The following IMMP2L variants were observed in gnomAD, a reference collection of about 807,000 sequenced individuals.
IMMP2L encodes the protein inner mitochondrial membrane peptidase subunit 2.
A neutral mutation model predicts 19.3 loss-of-function variants in IMMP2L; 18 were observed. The observed-to-expected ratio is 0.93, with a 90% CI of 0.64 to 1.38. The LOEUF (loss-of-function observed/expected upper bound fraction) is 1.38. IMMP2L is among the 40% of genes most tolerant of loss of function. IMMP2L has a pLI of 0.00. For missense variants in IMMP2L, 233 were observed against 218.2 expected, an observed-to-expected ratio of 1.07 and a Z score of -0.43; for synonymous variants, 76 against 73.0, an observed-to-expected ratio of 1.04 and a Z score of -0.21.
intron 3 of IMMP2L, among the ~76,000 whole-genome samples, chr7:111,077,261 G>GT (rs566078478): frequency 7.6e-4 from 115 of 152,240 alleles, no homozygotes; most frequent in African/African-American, 2.6e-3. Context: ...TGTTTGGTTG[G>GT]TTTTTTTGTT....
intron 5 of IMMP2L, among the ~76,000 whole-genome samples, chr7:110,745,126 T>C (rs187824693): frequency 2.0e-3 from 303 of 152,234 alleles, no homozygotes; most frequent in South Asian, 6.2e-3. Flanking sequence ...AATAGCTGAA[T>C]TGATCAAGAG....
At chr7:110,999,391 T>C (rs1370143077) in intron 3 of IMMP2L, among the ~76,000 whole-genome samples, 2 of 150,998 alleles carry the variant, frequency 1.3e-5, no homozygotes, top group African/African-American at 4.8e-5. Flanking sequence ...TTATAGCTTT[T>C]CTCCCCCATA....
intron 3 of IMMP2L, among the ~76,000 whole-genome samples, chr7:111,000,858 A>C (rs971742844): frequency 1.3e-5 from 2 of 152,048 alleles, no homozygotes; most frequent in Admixed American, 6.6e-5. Flanking sequence ...AAAAAAAAAA[A>C]AAACAGATGG....
chr7:111,155,173 T>C (rs996606054), intron 3 of IMMP2L, among the ~76,000 whole-genome samples: 2 of 152,164 alleles, frequency 1.3e-5, no homozygotes, highest in African/African-American at 4.8e-5. Context: ...GTTTCTGAAT[T>C]TGTTGTAAGA....
intron 3 of IMMP2L, among the ~76,000 whole-genome samples, chr7:111,192,745 G>A (rs1178815590): frequency 6.6e-6 from 1 of 152,058 alleles, no homozygotes; most frequent in Non-Finnish European, 1.5e-5. Flanking sequence ...GATTGCCCAA[G>A]AGAGTGCAAA....
At chr7:111,049,779 C>T (rs1248366676) in intron 3 of IMMP2L, among the ~76,000 whole-genome samples, 2 of 152,150 alleles carry the variant, frequency 1.3e-5, no homozygotes, top group African/African-American at 2.4e-5. Flanking sequence ...TTGCAAAGGA[C>T]GCAGTCAAAA....
At chr7:111,102,723 G>A (rs756757303) in intron 3 of IMMP2L, among the ~76,000 whole-genome samples, 54 of 151,516 alleles carry the variant, frequency 3.6e-4, no homozygotes, top group Admixed American at 9.2e-4. Flanking sequence ...CAGCTTCTTC[G>A]TGCTATTCTA....
At chr7:111,506,456 G>C (rs899246713) in intron 2 of IMMP2L, among the ~76,000 whole-genome samples, 4 of 152,050 alleles carry the variant, frequency 2.6e-5, no homozygotes, top group African/African-American at 9.7e-5. Flanking sequence ...GCAGTGCAGT[G>C]GTGCAATCTC....
At chr7:111,173,725 A>T (rs149478545) in intron 3 of IMMP2L, among the ~76,000 whole-genome samples, 2,710 of 151,730 alleles carry the variant, frequency 0.018, 33 homozygotes, top group Middle Eastern at 0.027. Context: ...GGTGTTTCTT[A>T]TATTATCAGA....
intron 3 of IMMP2L, among the ~76,000 whole-genome samples, chr7:111,227,151 G>A (rs185284883): frequency 6.6e-6 from 1 of 152,118 alleles, no homozygotes; most frequent in African/African-American, 2.4e-5. Context: ...TCTGGCATTG[G>A]TAGCACAGAA....
rs1584537505 is a variant in IMMP2L at position 110,699,158 on chromosome 7, C to T, written c.409-35437G>A. ...TAACTCCTCTACCTATTCTTTCTTC[C>T]CTGCCTCAGATTTCCCAAGCTTCTC... On this transcript the variant is annotated intron_variant, in intron 5 of 5. Transcript: ENST00000405709. 2.0e-5 allele frequency among the ~76,000 whole-genome samples: 3 copies of T among 152,232 alleles called. No individual in the cohort carries two copies. In the South Asian group the frequency reaches 6.2e-4, roughly 32 times the overall value.
intron 3 of IMMP2L, among the ~76,000 whole-genome samples, chr7:111,482,242 A>G (rs1309779070): frequency 6.6e-6 from 1 of 152,154 alleles, no homozygotes; most frequent in Non-Finnish European, 1.5e-5. Flanking sequence ...TTTACTTGCC[A>G]TGCACTTGCT....
At chr7:111,489,332 C>G (rs902006312) in intron 2 of IMMP2L, among the ~76,000 whole-genome samples, 1 of 152,008 alleles carries the variant, frequency 6.6e-6, no homozygotes, top group South Asian at 2.1e-4. Flanking sequence ...CGTGAGCCAC[C>G]GCGCCTGGCC....
chr7:111,353,030 T>C lies in IMMP2L; in HGVS notation c.239+134208A>G, dbSNP rs147375881. 4.4e-3 allele frequency among the ~76,000 whole-genome samples: 666 copies of C among 152,276 alleles called. 8 individuals are homozygous for C. The highest frequency in any genetic ancestry group is 0.015 in the African/African-American group (616 of 41,552). On this transcript the variant is annotated intron_variant, in intron 3 of 5. Transcript: ENST00000405709. ...GCTTTATCTACAGACTTCTCTCATA[T>C]AGTTAACCATCTCCATCTAAGTGAT...
At chr7:111,026,658 G>A (rs538129435) in intron 3 of IMMP2L, among the ~76,000 whole-genome samples, 1 of 152,168 alleles carries the variant, frequency 6.6e-6, no homozygotes, top group African/African-American at 2.4e-5. Flanking sequence ...AATTTAAGGT[G>A]TTTACAACAA....
intron 3 of IMMP2L, among the ~76,000 whole-genome samples, chr7:111,233,898 T>A (rs1271210236): frequency 1.3e-5 from 2 of 152,166 alleles, no homozygotes; most frequent in Middle Eastern, 3.4e-3. Flanking sequence ...TTTTTACACA[T>A]CAATTGTTTT....
At chr7:111,292,492 A>C (rs1304567407) in intron 3 of IMMP2L, among the ~76,000 whole-genome samples, 2 of 151,958 alleles carry the variant, frequency 1.3e-5, no homozygotes, top group African/African-American at 4.8e-5. Context: ...TAGTTCTTCC[A>C]ACTTGCCATG....
At chr7:111,112,207 G>A (rs753195385) in intron 3 of IMMP2L, among the ~76,000 whole-genome samples, 12 of 151,768 alleles carry the variant, frequency 7.9e-5, no homozygotes, top group Non-Finnish European at 7.4e-5. Flanking sequence ...AGGTATATCC[G>A]CCTGACTTCG....
chr7:111,410,014 T>A (rs1834258004), intron 3 of IMMP2L, among the ~76,000 whole-genome samples: 1 of 151,764 alleles, frequency 6.6e-6, no homozygotes, highest in African/African-American at 2.4e-5. Context: ...ATGGCTGGAA[T>A]TTGTGGGACA....
Sources: allele counts gnomAD v4.1 joint callset (sites outside exome capture counted in the v4.1 genomes callset), GRCh38; gene constraint gnomAD v4.1.1; transcripts MANE v1.5; gene names NCBI Gene and HGNC (gene_info 2026-07-23, HGNC 2026-07-21).